Variants in DPP6 observed in about 807,000 individuals in gnomAD.
DPP6 encodes A-type potassium channel modulatory protein DPP6.
DPP6 carries 69 observed loss-of-function variants against 122.6 expected under a neutral mutation model. The observed-to-expected ratio is 0.56, with a 90% CI of 0.46 to 0.69. The LOEUF is 0.69. Ranked by LOEUF, DPP6 falls within the 30% of genes least tolerant of loss-of-function variation. The pLI is 0.00. For synonymous variants in DPP6, 418 were observed against 433.1 expected (o/e 0.97, Z 0.43); for missense variants, 928 against 1,116.9 (o/e 0.83, Z 2.41).
intron 1 of DPP6, among the ~76,000 whole-genome samples, chr7:154,090,917 G>A (rs552601568): frequency 6.0e-5 from 9 of 149,062 alleles, no homozygotes; most frequent in Non-Finnish European, 1.2e-4. Flanking sequence ...TCAGGAGATC[G>A]AGACCATCCT....
rs71203938 is a variant in DPP6 at position 154,107,771 on chromosome 7, C to T, written c.243+54708C>T. Among the ~76,000 whole-genome samples the T allele has an allele frequency of 6.4e-3, 969 of 152,158 alleles. 17 individuals carry two copies. Among genetic ancestry groups the T allele is most frequent in the African/African-American group, 0.023 (937 of 41,496 alleles). ...ACCTTACCAGGGTTCTTTTGGTCTC[C>T]GCCTTGCCTGGGGCCCAGAAGTGCT... On this transcript the variant is annotated intron_variant, in intron 1 of 25. Coordinates refer to ENST00000377770, the MANE Select transcript of DPP6 (RefSeq NM_130797.4).
intron 1 of DPP6, among the ~76,000 whole-genome samples, chr7:154,102,208 A>G (rs11978047): frequency 0.18 from 27,910 of 151,620 alleles, 2,729 homozygotes; most frequent in East Asian, 0.35. Context: ...CTTTTGAGAC[A>G]GAGTTCCACT....
chr7:154,834,947 G>A (rs1019006221), intron 16 of DPP6, among the ~76,000 whole-genome samples: 2 of 152,128 alleles, frequency 1.3e-5, no homozygotes, highest in Non-Finnish European at 2.9e-5. Flanking sequence ...GCTTGGGGGT[G>A]TCTGAAAATA....
chr7:154,506,558 C>T (rs79852110), intron 3 of DPP6, among the ~76,000 whole-genome samples: 2,756 of 152,142 alleles, frequency 0.018, 96 homozygotes, highest in African/African-American at 0.063. Flanking sequence ...AAAATGAGTG[C>T]TGTCTTGTTT....
chr7:153,867,100 T>C, the DPP6 span, among the ~76,000 whole-genome samples: 1 of 152,216 alleles, frequency 6.6e-6, no homozygotes, highest in African/African-American at 2.4e-5. Context: ...TCCAGCTTTG[T>C]TCTTTTGGCT....
At chr7:154,003,308 A>G (rs535079801) in intron 1 of DPP6, among the ~76,000 whole-genome samples, 2 of 152,352 alleles carry the variant, frequency 1.3e-5, no homozygotes, top group East Asian at 3.9e-4. Flanking sequence ...TGTGTGTCCC[A>G]GATAACAGGA....
At position 154,030,997 on chromosome 7, in the gene DPP6, C is replaced by T. The variant is rs71279260; in HGVS notation, c.51+143263C>T. On this transcript the variant is annotated intron_variant, in intron 1 of 25. Transcript: ENST00000404039. The stretch of plus-strand genomic sequence containing the variant: ...CCATCTGGTTACTTTTAGCTCTAAA[C>T]GTTGGTTACTAGCTCAGCCCACCAA... Among the ~76,000 whole-genome samples, 538 of 152,014 alleles carry T rather than the reference C, an allele frequency of 3.5e-3. 5 individuals are homozygous for T. Among genetic ancestry groups the T allele is most frequent in the African/African-American group, 0.012 (500 of 41,370 alleles).
intron 1 of DPP6, among the ~76,000 whole-genome samples, chr7:154,230,059 G>C (rs1298616762): frequency 6.6e-5 from 10 of 152,102 alleles, no homozygotes; most frequent in Admixed American, 6.6e-4. Flanking sequence ...AGGAAAGTTA[G>C]AGTTTGCAAG....
chr7:154,517,891 C>A (rs1345719821), intron 3 of DPP6, among the ~76,000 whole-genome samples: 2 of 152,082 alleles, frequency 1.3e-5, no homozygotes, highest in Non-Finnish European at 2.9e-5. Context: ...ACATCGTTTA[C>A]CCTACACCTC....
chr7:153,952,930 G>A (rs1249995195), intron 1 of DPP6, among the ~76,000 whole-genome samples: 2 of 152,176 alleles, frequency 1.3e-5, no homozygotes, highest in Non-Finnish European at 2.9e-5. Context: ...TCTTTGCATA[G>A]TCAAGCATAT....
intron 3 of DPP6, among the ~76,000 whole-genome samples, chr7:154,523,071 C>A (rs1377231188): frequency 6.6e-6 from 1 of 152,198 alleles, no homozygotes; most frequent in African/African-American, 2.4e-5. Context: ...GTGGTGCCTG[C>A]ACTGTGGACA....
At chr7:154,380,299 G>A (rs1477614149) in intron 1 of DPP6, among the ~76,000 whole-genome samples, 1 of 152,204 alleles carries the variant, frequency 6.6e-6, no homozygotes, top group Non-Finnish European at 1.5e-5. Flanking sequence ...GTATTTTGGG[G>A]TGGTGTTTGC....
chr7:154,758,600 G>A (rs188086408), intron 8 of DPP6, among the ~76,000 whole-genome samples: 6 of 152,198 alleles, frequency 3.9e-5, no homozygotes, highest in Non-Finnish European at 7.4e-5. Flanking sequence ...TCAAACTCCT[G>A]ACCTTAAGTG....
intron 4 of DPP6, among the ~76,000 whole-genome samples, chr7:154,554,936 A>G (rs769002889): frequency 1.2e-4 from 18 of 152,208 alleles, no homozygotes; most frequent in Non-Finnish European, 1.5e-4. Context: ...TGAAAAAGGG[A>G]TCTGATAAAG....
At chr7:153,870,997 T>C in the DPP6 span, among the ~76,000 whole-genome samples, 8 of 152,184 alleles carry the variant, frequency 5.3e-5, no homozygotes, top group Admixed American at 5.2e-4. Flanking sequence ...TGCTGCCTGA[T>C]CATTCCTCTG....
rs200745389 is a variant in DPP6 at position 153,964,779 on chromosome 7, C to CTCCTT, written c.51+77092_51+77096dup. 1.9e-3 allele frequency among the ~76,000 whole-genome samples: 214 copies of CTCCTT among 114,652 alleles called. 7 individuals carry two copies. Among genetic ancestry groups the CTCCTT allele is most frequent in the African/African-American group, 5.9e-3 (138 of 23,564 alleles). The allele number at this position is 114,652 out of a possible 152,430, so 75.2% of individuals were successfully genotyped here. A position where few individuals can be genotyped will look rare whatever the true frequency, so the allele number is the denominator to read the frequency against. On this transcript the variant is annotated intron_variant, in intron 1 of 25. Coordinates refer to the DPP6 transcript ENST00000404039. ...TGATGCTCCACATTCTTCTCCGTGG[C>CTCCTT]TCCTTTCCTTTCCTTTCCTTTCCTT...
intron 1 of DPP6, among the ~76,000 whole-genome samples, chr7:154,379,723 A>G (rs1413004553): frequency 6.6e-6 from 1 of 152,260 alleles, no homozygotes; most frequent in African/African-American, 2.4e-5. Context: ...TAAGATATCC[A>G]TAGAATATTC....
intron 1 of DPP6, among the ~76,000 whole-genome samples, chr7:154,401,208 A>AAC (rs1815557591): frequency 2.0e-5 from 3 of 151,368 alleles, no homozygotes; most frequent in African/African-American, 7.3e-5. Context: ...GAAAAAACAA[A>AAC]AACAAAAACA....
intron 5 of DPP6, among the ~76,000 whole-genome samples, chr7:154,589,752 A>G (rs1450320291): frequency 6.6e-6 from 1 of 152,218 alleles, no homozygotes; most frequent in African/African-American, 2.4e-5. Context: ...AGATATTTGC[A>G]GACAGCTCTC....
Sources: gnomAD v4.1 joint callset for allele counts (sites outside exome capture counted in the v4.1 genomes callset) on GRCh38, gnomAD v4.1.1 for gene constraint, MANE v1.5 for transcripts, NCBI Gene and HGNC (gene_info 2026-07-23, HGNC 2026-07-21) for gene names.